The following FRMD4B variants were observed in gnomAD, a reference collection of about 807,000 sequenced individuals.
FRMD4B encodes FERM domain-containing protein 4B.
FRMD4B carries 74 observed loss-of-function variants against 141.5 expected under a neutral mutation model. The ratio of observed to expected loss-of-function variants is 0.52; its 90% confidence interval spans 0.43 to 0.63. The LOEUF (loss-of-function observed/expected upper bound fraction) is 0.63. FRMD4B is among the 30% of genes least tolerant of loss of function. FRMD4B has a pLI of 0.00. For missense variants in FRMD4B, 1,366 were observed against 1,253.4 expected, an observed-to-expected ratio of 1.09 and a Z score of -1.36; for synonymous variants, 506 against 467.9, an observed-to-expected ratio of 1.08 and a Z score of -1.05.
At chr3:69,230,725 A>G (rs7624417) in intron 7 of FRMD4B, among the ~76,000 whole-genome samples, 31,374 of 151,760 alleles carry the variant, frequency 0.21, 4,118 homozygotes, top group East Asian at 0.35. Flanking sequence ...CCCAGCCTGG[A>G]CAACAGAGCA....
At chr3:69,256,821 C>T (rs1416314143) in intron 5 of FRMD4B, among the ~76,000 whole-genome samples, 1 of 152,194 alleles carries the variant, frequency 6.6e-6, no homozygotes, top group Non-Finnish European at 1.5e-5. Context: ...TACTCACATC[C>T]TTTGGGTACA....
intron 10 of FRMD4B, 124 bp downstream of exon 10, chr3:69,218,197 TA>T (rs2093159666): frequency 1.6e-6 from 1 of 612,078 alleles, no homozygotes; most frequent in Non-Finnish European, 2.9e-6. Flanking sequence ...TTTGCAAAAA[TA>T]ATGTACTTTA....
intron 5 of FRMD4B, among the ~76,000 whole-genome samples, chr3:69,277,187 T>G (rs1220034806): frequency 4.6e-5 from 7 of 152,166 alleles, no homozygotes; most frequent in African/African-American, 1.2e-4. Context: ...TACAAAGACA[T>G]GAGTACTTAC....
At chr3:69,477,002 G>GT (rs1706013228) in intron 1 of FRMD4B, among the ~76,000 whole-genome samples, 2 of 152,036 alleles carry the variant, frequency 1.3e-5, no homozygotes, top group African/African-American at 4.8e-5. Flanking sequence ...TTGGCTCTCT[G>GT]TTTGTCTGTT....
At chr3:69,487,399 T>C (rs556771530) in intron 1 of FRMD4B, among the ~76,000 whole-genome samples, 3 of 152,334 alleles carry the variant, frequency 2.0e-5, no homozygotes, top group South Asian at 2.1e-4. Flanking sequence ...AATTTGAATT[T>C]TATTTCATAG....
intron 5 of FRMD4B, among the ~76,000 whole-genome samples, chr3:69,280,355 ACAGTTCCTACCTAGGGG>A (rs1306238516): frequency 6.6e-6 from 1 of 152,042 alleles, no homozygotes; most frequent in Non-Finnish European, 1.5e-5. Flanking sequence ...TGCTTGACCC[ACAGTTCCTACCTAGGGG>A]CAGTTCCTAC....
intron 1 of FRMD4B, among the ~76,000 whole-genome samples, chr3:69,326,107 C>G (rs1470006258): frequency 1.3e-5 from 2 of 150,280 alleles, no homozygotes; most frequent in Non-Finnish European, 2.9e-5. Flanking sequence ...CACCATCATG[C>G]CTGGCTAATC....
chr3:69,458,332 G>T (rs922048831), intron 1 of FRMD4B, among the ~76,000 whole-genome samples: 1 of 152,144 alleles, frequency 6.6e-6, no homozygotes, highest in East Asian at 1.9e-4. Context: ...TGCTCACAGA[G>T]CATGAGGCAT....
At chr3:69,455,290 A>G (rs1387120147) in intron 1 of FRMD4B, among the ~76,000 whole-genome samples, 4 of 152,260 alleles carry the variant, frequency 2.6e-5, no homozygotes, top group East Asian at 1.9e-4. Flanking sequence ...AGGTCTGTTT[A>G]CATAATGTGG....
chr3:69,224,072 C>G (rs1320491976), intron 8 of FRMD4B, among the ~76,000 whole-genome samples: 1 of 151,826 alleles, frequency 6.6e-6, no homozygotes, highest in Non-Finnish European at 1.5e-5. Context: ...ATATATTTAA[C>G]AAGAATGTAA....
chr3:69,192,840 C>T (rs1207913568), intron 17 of FRMD4B, among the ~76,000 whole-genome samples: 1 of 149,896 alleles, frequency 6.7e-6, no homozygotes, highest in African/African-American at 2.5e-5. Context: ...TTTTTTGAGG[C>T]AGGGTCTTGC....
At chr3:69,241,263 C>T (rs564846585) in intron 7 of FRMD4B, among the ~76,000 whole-genome samples, 1 of 152,306 alleles carries the variant, frequency 6.6e-6, no homozygotes, top group East Asian at 1.9e-4. Flanking sequence ...AGCCTGACTC[C>T]TACTCTGATT....
chr3:69,451,986 A>G (rs1705508574), intron 1 of FRMD4B, among the ~76,000 whole-genome samples: 1 of 152,264 alleles, frequency 6.6e-6, no homozygotes, highest in South Asian at 2.1e-4. Context: ...TCTTCTTTGC[A>G]TAATGGAGCT....
chr3:69,515,250 T>C (rs1700736336), intron 1 of FRMD4B, among the ~76,000 whole-genome samples: 1 of 152,176 alleles, frequency 6.6e-6, no homozygotes, highest in African/African-American at 2.4e-5. Context: ...TAACCATTCA[T>C]GAGACATCCA....
intron 22 of FRMD4B, among the ~76,000 whole-genome samples, chr3:69,174,441 G>C (rs895214742): frequency 7.2e-5 from 11 of 152,066 alleles, no homozygotes; most frequent in African/African-American, 2.7e-4. Context: ...AGAAAAATGG[G>C]GAAAATATGC....
chr3:69,424,721 T>C (rs748339762), intron 2 of FRMD4B, among the ~76,000 whole-genome samples: 7 of 152,152 alleles, frequency 4.6e-5, no homozygotes, highest in African/African-American at 1.2e-4. Flanking sequence ...AGGTAAGATA[T>C]ATGTTGACTA....
At chr3:69,470,514 A>T (rs1332760266) in intron 1 of FRMD4B, among the ~76,000 whole-genome samples, 1 of 152,168 alleles carries the variant, frequency 6.6e-6, no homozygotes, top group Non-Finnish European at 1.5e-5. Flanking sequence ...TCCAAAGAAC[A>T]AAGAGGGTTT....
chr3:69,366,070 C>T (rs1421828816), intron 1 of FRMD4B, among the ~76,000 whole-genome samples: 3 of 141,196 alleles, frequency 2.1e-5, no homozygotes, highest in Non-Finnish European at 3.0e-5. Context: ...AACACACACA[C>T]ACACACACAC....
chr3:69,223,484 C>T (rs1193068571), intron 8 of FRMD4B, among the ~76,000 whole-genome samples: 1 of 152,074 alleles, frequency 6.6e-6, no homozygotes, highest in Non-Finnish European at 1.5e-5. Flanking sequence ...CATTATATTC[C>T]AGCCTGGGTG....
Sources: allele counts gnomAD v4.1 joint callset (sites outside exome capture counted in the v4.1 genomes callset), GRCh38; gene constraint gnomAD v4.1.1; transcripts MANE v1.5; gene names NCBI Gene and HGNC (gene_info 2026-07-23, HGNC 2026-07-21).